SNX27: variants seen among roughly 807,000 people sequenced by gnomAD.
SNX27 encodes the protein sorting nexin 27, also known as sorting nexin-27.
Under a neutral mutation model 71.6 loss-of-function variants are expected in SNX27, and 22 were observed. That is an observed-to-expected ratio of 0.31 (90% CI 0.22 to 0.44). The LOEUF (loss-of-function observed/expected upper bound fraction) is 0.44. Among genes scored for constraint, SNX27 ranks in the 20% least tolerant of loss-of-function variants. The pLI is 1.00. For synonymous variants in SNX27, 269 were observed against 277.2 expected, an observed-to-expected ratio of 0.97 and a Z score of 0.29; for missense variants, 531 against 698.6, an observed-to-expected ratio of 0.76 and a Z score of 2.70.
intron 1 of SNX27, among the ~76,000 whole-genome samples, chr1:151,635,507 G>A (rs1340603861): frequency 6.6e-6 from 1 of 152,080 alleles, no homozygotes; most frequent in Non-Finnish European, 1.5e-5. Context: ...AAAGTATTGG[G>A]CCACACCAAA....
At chr1:151,693,555 A>G in intron 11 of SNX27, 72 bp downstream of exon 11, 1 of 1,612,872 alleles carries the variant, frequency 6.2e-7, no homozygotes, top group Non-Finnish European at 8.5e-7. Context: ...CCTGTGGCCA[A>G]ATACCTGGGA....
chr1:151,615,183 A>G (rs572684737), intron 1 of SNX27, among the ~76,000 whole-genome samples: 1 of 152,216 alleles, frequency 6.6e-6, no homozygotes, highest in Admixed American at 6.5e-5. Flanking sequence ...GAAGGTTGTG[A>G]TAATCAGAAA....
intron 5 of SNX27, among the ~76,000 whole-genome samples, chr1:151,663,296 G>A (rs1670047617): frequency 6.6e-6 from 1 of 151,584 alleles, no homozygotes; most frequent in African/African-American, 2.4e-5. Flanking sequence ...GACTACAGGC[G>A]CCCACCACCA....
chr1:151,639,082 G>T lies in SNX27; in HGVS notation c.506G>T (p.Arg169Ile). The T allele has an allele frequency of 6.2e-7, 1 of 1,614,150 alleles. No individual in the cohort carries two copies. Among genetic ancestry groups the T allele is most frequent in the Non-Finnish European group, 8.5e-7 (1 of 1,180,032 alleles). Residue 169 changes from arginine to isoleucine, a missense_variant, in exon 2 of 12, where the codon AGA becomes ATA. Around this residue, in one of 5 missense-constraint regions of SNX27, gnomAD observed 184 missense variants for 289.6 expected, o/e 0.64. Coordinates refer to ENST00000458013, the MANE Select transcript of SNX27 (RefSeq NM_001330723.2). The stretch of plus-strand genomic sequence containing the variant: ...CAAGCAGTGCCCATATCGGTCCCCA[G>T]ATACAAACATGTGGAGCAGAATGGT... ...EKQAVPISVP[R>I]YKHVEQNGEK...
chr1:151,692,995 C>A lies in SNX27; in HGVS notation c.1474C>A (p.Arg492=). The A allele has an allele frequency of 6.2e-7, 1 of 1,613,992 alleles. No individual in the cohort carries two copies. Among genetic ancestry groups the A allele is most frequent in the Non-Finnish European group, 8.5e-7 (1 of 1,180,010 alleles). Reference sequence around the variant, plus strand: ...GATGGCCTTCTGTTTCGAATATGCACGAGGAGAGAAGAAGCCCCGATGGGT... The same window carrying A: ...GATGGCCTTCTGTTTCGAATATGCAAGAGGAGAGAAGAAGCCCCGATGGGT... ...EGMAFCFEYA[R]GEKKPRWVKI... is the part of the protein sequence containing the mutation. The change falls in exon 10 of 12, where the codon CGA becomes AGA. Residue 492 remains arginine (R), a synonymous_variant. Coordinates refer to ENST00000458013, the MANE Select transcript of SNX27 (RefSeq NM_001330723.2).
At chr1:151,672,812 A>T (rs1225874207) in intron 7 of SNX27, among the ~76,000 whole-genome samples, 1 of 151,502 alleles carries the variant, frequency 6.6e-6, no homozygotes, top group Non-Finnish European at 1.5e-5. Context: ...TGATTCTTTG[A>T]ATTTCTTCAG....
intron 8 of SNX27, among the ~76,000 whole-genome samples, chr1:151,689,652 A>G (rs769969814): frequency 1.3e-5 from 2 of 152,228 alleles, no homozygotes. Flanking sequence ...GTTAAAGGAC[A>G]TGAGTAGTAC....
rs536263341 is a variant in SNX27, at chr1:151,643,655, G to T, written c.543+4536G>T. 6.0e-4 allele frequency among the ~76,000 whole-genome samples: 91 copies of T among 151,512 alleles called. 1 individual carries two copies. In the Middle Eastern group the frequency reaches 0.01, roughly 17 times the overall value. On this transcript the variant is annotated intron_variant, in intron 2 of 11. Transcript: ENST00000458013. ...GTTCACCTAAAGTGCACAATTTAGG[G>T]TTTTTTTTATTTTTTTATTTTTTAG...
chr1:151,689,301 G>C (rs1332329177), intron 8 of SNX27, among the ~76,000 whole-genome samples: 1 of 152,172 alleles, frequency 6.6e-6, no homozygotes, highest in Non-Finnish European at 1.5e-5. Flanking sequence ...AATGTGATTT[G>C]AACCCATTTT....
chr1:151,690,065 T>C (rs1671366231), intron 8 of SNX27, among the ~76,000 whole-genome samples: 1 of 152,202 alleles, frequency 6.6e-6, no homozygotes, highest in Non-Finnish European at 1.5e-5. Context: ...GCCAGGCTGG[T>C]CTCGAACTCC....
chr1:151,625,576 C>T (rs1334504803), intron 1 of SNX27, among the ~76,000 whole-genome samples: 1 of 151,424 alleles, frequency 6.6e-6, no homozygotes, highest in Non-Finnish European at 1.5e-5. Context: ...GTGGCTCATG[C>T]CTGTAATCTG....
chr1:151,683,387 AAGC>A lies in SNX27; in HGVS notation c.1184_1186del (p.Ala395del), dbSNP rs1356273592. 1 of 1,613,700 alleles carries A rather than the reference AAGC, an allele frequency of 6.2e-7. No individual in the cohort carries two copies. Among genetic ancestry groups the A allele is most frequent in the Non-Finnish European group, 8.5e-7 (1 of 1,179,936 alleles). On this transcript the variant is annotated inframe_deletion, in exon 8 of 12. Transcript: ENST00000458013. ...GATGATGTGAAGAAAGGTTACATCA[AAGC>A]AGAAGAAAAGTCCTATCAATTACAG...
At chr1:151,632,821 C>G (rs1240244613) in intron 1 of SNX27, among the ~76,000 whole-genome samples, 1 of 152,004 alleles carries the variant, frequency 6.6e-6, no homozygotes, top group Non-Finnish European at 1.5e-5. Flanking sequence ...CTATTTCACA[C>G]TTACAGATGT....
chr1:151,616,504 GATAAA>G (rs1667431393), intron 1 of SNX27, among the ~76,000 whole-genome samples: 1 of 152,132 alleles, frequency 6.6e-6, no homozygotes, highest in Non-Finnish European at 1.5e-5. Context: ...AAAGTCATAA[GATAAA>G]ATAAAACTGT....
chr1:151,612,095 G>A lies in SNX27; in HGVS notation c.-107G>A. 8.4e-7 allele frequency: 1 copy of A among 1,193,936 alleles called. No homozygotes were observed. 74.0% of individuals were successfully genotyped at this position (1,193,936 alleles called of 1,614,324 possible). ...TGGCCGAGTCGGTCCCGCGGCCGGC[G>A]GATCGGGCGCGCGCGTCGGGGGTCG... On this transcript the variant is annotated 5_prime_UTR_variant, in exon 1 of 12. Transcript: ENST00000458013. The surrounding 1 kb of genome is among the most constrained non-coding windows in gnomAD (Gnocchi z 5.2).
Position 151,637,162 on chromosome 1 carries a change from G to GGT in SNX27, c.312-1726_312-1725insGT, listed in dbSNP as rs1668498590. On this transcript the variant is annotated intron_variant, in intron 1 of 11. Transcript: ENST00000458013. The stretch of plus-strand genomic sequence containing the variant: ...GATCAGAGTTGATCACGTTTTTTTT[G>GGT]TTTTTTTGTTTTTTTTTTTTGAGAC... 8.3e-4 allele frequency among the ~76,000 whole-genome samples: 31 copies of GGT among 37,340 alleles called. 1 individual carries two copies. The East Asian group carries it at 0.012, about 15-fold the overall frequency. The allele number at this position is 37,340 out of a possible 152,430, so 24.5% of individuals were successfully genotyped here.
intron 2 of SNX27, among the ~76,000 whole-genome samples, chr1:151,643,264 T>TTTTA (rs201505831): frequency 0.13 from 18,347 of 138,950 alleles, 1,304 homozygotes; most frequent in Middle Eastern, 0.18. Flanking sequence ...ACGCCTGGCC[T>TTTTA]TTTATTTATT....
chr1:151,612,357 C>T lies in SNX27; in HGVS notation c.156C>T (p.Gly52=). 2.6e-6 allele frequency: 4 copies of T among 1,549,796 alleles called. No homozygotes were observed. Among genetic ancestry groups the T allele is most frequent in the Non-Finnish European group, 2.6e-6 (3 of 1,152,856 alleles). ...RVVRIVKSES[G]YGFNVRGQVS... ...TGCGCATCGTCAAGTCCGAGTCCGGCTACGGCTTCAACGTGCGGGGCCAAG... is the reference window on the plus strand; with the variant it reads ...TGCGCATCGTCAAGTCCGAGTCCGGTTACGGCTTCAACGTGCGGGGCCAAG... The change falls in exon 1 of 12, where the codon GGC becomes GGT. Residue 52 remains glycine, a synonymous_variant. Coordinates refer to ENST00000458013, the MANE Select transcript of SNX27 (RefSeq NM_001330723.2). This position sits in a 1 kb window ranked among gnomAD's most constrained non-coding sequence, Gnocchi z 5.2.
intron 2 of SNX27, among the ~76,000 whole-genome samples, chr1:151,646,160 T>C (rs1669025012): frequency 1.3e-5 from 2 of 152,166 alleles, no homozygotes; most frequent in South Asian, 4.1e-4. Flanking sequence ...TATGAGCCAC[T>C]AACATATAGC....
Sources: gnomAD v4.1 joint callset for allele counts (sites outside exome capture counted in the v4.1 genomes callset) on GRCh38, gnomAD v4.1.1 for gene constraint, gnomAD v4.1.1 regional missense constraint, Gnocchi (gnomAD v3.1) non-coding constraint, MANE v1.5 for transcripts, NCBI Gene and HGNC (gene_info 2026-07-23, HGNC 2026-07-21) for gene names.